The following VPS13C variants were observed in gnomAD, a reference collection of about 807,000 sequenced individuals.
VPS13C encodes the protein vacuolar protein sorting 13 homolog C, also known as intermembrane lipid transfer protein VPS13C.
Under a neutral mutation model 456.8 loss-of-function variants are expected in VPS13C, and 358 were observed. That is an observed-to-expected ratio of 0.78 (90% confidence interval 0.72 to 0.86). The LOEUF (loss-of-function observed/expected upper bound fraction) is 0.86. VPS13C is among the 40% of genes least tolerant of loss of function. The pLI, the probability that VPS13C is intolerant of heterozygous loss-of-function variation, is 0.00. For missense variants in VPS13C, 4,818 were observed against 4,385.4 expected, an observed-to-expected ratio of 1.10 and a Z score of -2.79; for synonymous variants, 1,578 against 1,486.7, an observed-to-expected ratio of 1.06 and a Z score of -1.41.
At chr15:62,021,503 C>T (rs2047460879) in intron 8 of VPS13C, among the ~76,000 whole-genome samples, 1 of 151,808 alleles carries the variant, frequency 6.6e-6, no homozygotes, top group African/African-American at 2.4e-5. Context: ...TTAAACTATA[C>T]CACAGTGTGC....
intron 52 of VPS13C, among the ~76,000 whole-genome samples, chr15:61,926,249 A>G (rs1353402615): frequency 2.0e-5 from 3 of 152,178 alleles, no homozygotes; most frequent in Admixed American, 1.3e-4. Flanking sequence ...AAAATTAATT[A>G]AAAAACAAAA....
At chr15:61,856,626 T>C (rs1566949913) in intron 82 of VPS13C, 1 of 361,582 alleles carries the variant, frequency 2.8e-6, no homozygotes, top group African/African-American at 2.1e-5. Flanking sequence ...GACTCAAAAA[T>C]TCCCCTTCTG....
chr15:61,863,405 G>T, intron 82 of VPS13C, 35 bp downstream of exon 82: 1 of 1,527,132 alleles, frequency 6.5e-7, no homozygotes, highest in Non-Finnish European at 9.0e-7. Flanking sequence ...ATGCAACTAA[G>T]TACTATTTGG....
chr15:62,005,013 G>C (rs1321493850), intron 15 of VPS13C, among the ~76,000 whole-genome samples: 1 of 151,972 alleles, frequency 6.6e-6, no homozygotes, highest in Non-Finnish European at 1.5e-5. Flanking sequence ...TTGGGGTGGA[G>C]AGTTCTGTAG....
At chr15:61,906,780 C>T (rs2043164360) in intron 66 of VPS13C, 1 of 165,196 alleles carries the variant, frequency 6.1e-6, no homozygotes, top group East Asian at 1.8e-4. Flanking sequence ...TAAAAAATAA[C>T]ATATTTAATC....
rs150386691 is a variant in VPS13C, at chr15:61,923,084, T to G, written c.6610-322A>C. Among the ~76,000 whole-genome samples the G allele has an allele frequency of 2.8e-3, 429 of 152,212 alleles. 2 individuals are homozygous for G. The highest frequency in any genetic ancestry group is 9.8e-3 in the African/African-American group (407 of 41,518). ...ATCAATTCAGAGCAAAACAGTGTTATGTGAATAGACAAGTATAGCAATGTA... is the reference window on the plus strand; with the variant it reads ...ATCAATTCAGAGCAAAACAGTGTTAGGTGAATAGACAAGTATAGCAATGTA... On this transcript the variant is annotated intron_variant, in intron 53 of 84. Transcript: ENST00000644861.
intron 41 of VPS13C, 148 bp from the exon 42 acceptor site, chr15:61,949,753 A>G: frequency 1.5e-6 from 1 of 674,382 alleles, no homozygotes; most frequent in Non-Finnish European, 2.3e-6. Context: ...TTAACTCACT[A>G]TTAAAATGTC....
At chr15:61,934,557 G>C (rs2044161711) in intron 48 of VPS13C, among the ~76,000 whole-genome samples, 1 of 152,092 alleles carries the variant, frequency 6.6e-6, no homozygotes, top group African/African-American at 2.4e-5. Flanking sequence ...GGCACAGGCA[G>C]ACTATGTTAA....
intron 3 of VPS13C, among the ~76,000 whole-genome samples, chr15:62,037,526 A>AT (rs2048104878): frequency 2.8e-5 from 4 of 141,394 alleles, no homozygotes; most frequent in Non-Finnish European, 4.5e-5. Context: ...AATATAATAA[A>AT]TAATGCAAAA....
intron 47 of VPS13C, among the ~76,000 whole-genome samples, chr15:61,938,520 C>T (rs895987106): frequency 5.9e-5 from 9 of 152,246 alleles, no homozygotes; most frequent in East Asian, 3.9e-4. Context: ...CCTGGATCAG[C>T]GACAAATTAG....
chr15:61,880,517 T>C (rs914365185), intron 73 of VPS13C, 92 bp downstream of exon 73: 6 of 751,582 alleles, frequency 8.0e-6, no homozygotes, highest in Non-Finnish European at 1.2e-5. Flanking sequence ...AAATACATGA[T>C]GCAACAAATT....
At chr15:62,021,998 G>C (rs1445050376) in intron 8 of VPS13C, among the ~76,000 whole-genome samples, 1 of 151,674 alleles carries the variant, frequency 6.6e-6, no homozygotes, top group Non-Finnish European at 1.5e-5. Flanking sequence ...CATTTTAAAG[G>C]CTGAATAGTA....
intron 51 of VPS13C, 176 bp from the exon 52 acceptor site, chr15:61,927,496 G>A (rs181848153): frequency 4.0e-4 from 235 of 586,120 alleles, no homozygotes; most frequent in African/African-American, 3.8e-3. Context: ...AACAAATGCA[G>A]ATTGAGCAAG....
At chr15:62,041,496 CT>C in intron 2 of VPS13C, 130 bp from the exon 3 acceptor site, 1 of 826,634 alleles carries the variant, frequency 1.2e-6, no homozygotes, top group African/African-American at 1.8e-5. Context: ...ATTTGAATAA[CT>C]CATAAAGGAC....
chr15:62,054,948 A>G (rs1361708817), intron 1 of VPS13C, among the ~76,000 whole-genome samples: 1 of 152,230 alleles, frequency 6.6e-6, no homozygotes. Flanking sequence ...TATCCACTTT[A>G]CAGATTACGA....
chr15:62,031,885 T>C (rs1158687730), intron 5 of VPS13C, among the ~76,000 whole-genome samples: 1 of 151,868 alleles, frequency 6.6e-6, no homozygotes, highest in Non-Finnish European at 1.5e-5. Context: ...AATAATCATA[T>C]TACCAATTAA....
intron 74 of VPS13C, 120 bp from the exon 75 acceptor site, chr15:61,877,174 C>T: frequency 1.7e-6 from 1 of 604,656 alleles, no homozygotes; most frequent in Non-Finnish European, 2.8e-6. Context: ...TGACTTCGTA[C>T]ATTTACCACA....
chr15:61,874,804 T>A, intron 77 of VPS13C, 72 bp downstream of exon 77: 2 of 1,350,824 alleles, frequency 1.5e-6, no homozygotes, highest in South Asian at 2.7e-5. Context: ...AAAGCATTTG[T>A]TTTTCATAAC....
chr15:62,002,641 T>G (rs1199453992), intron 15 of VPS13C, among the ~76,000 whole-genome samples: 2 of 152,208 alleles, frequency 1.3e-5, no homozygotes, highest in Non-Finnish European at 2.9e-5. Context: ...TCTAGGGTTT[T>G]TATGGTTTTA....
Sources: allele counts gnomAD v4.1 joint callset (sites outside exome capture counted in the v4.1 genomes callset), GRCh38; gene constraint gnomAD v4.1.1; transcripts MANE v1.5; gene names NCBI Gene and HGNC (gene_info 2026-07-23, HGNC 2026-07-21).